The following TEKT3 variants were observed in gnomAD, a reference collection of about 807,000 sequenced individuals.
TEKT3 encodes tektin 3.
Under a neutral mutation model 49.8 loss-of-function variants are expected in TEKT3, and 49 were observed. The ratio of observed to expected loss-of-function variants is 0.98; its 90% CI spans 0.78 to 1.25. The LOEUF (loss-of-function observed/expected upper bound fraction) is 1.25. TEKT3 is among the 50% of genes most tolerant of loss of function. The pLI is 0.00. For missense variants in TEKT3, 595 were observed against 629.5 expected, an observed-to-expected ratio of 0.95 and a Z score of 0.59; for synonymous variants, 225 against 237.2, an observed-to-expected ratio of 0.95 and a Z score of 0.47.
rs117065116 is a variant in TEKT3, at chr17:15,311,231, T to C, written c.1101+1028A>G. ...TATTTGTTGCCTAAAGCAGGCACCA[T>C]GAGAAGGAAAAGTAAATCGCTGCAG... On this transcript the variant is annotated intron_variant, in intron 7 of 8. Transcript: ENST00000395930. 1.8e-4 allele frequency: 27 copies of C among 152,216 alleles called. No individual in the cohort carries two copies. The East Asian group carries it at 5.2e-3, about 29-fold the overall frequency. 9.4% of individuals were successfully genotyped at this position (152,216 alleles called of 1,614,324 possible).
intron 4 of TEKT3, among the ~76,000 whole-genome samples, chr17:15,321,066 G>A (rs2150742867): frequency 6.6e-6 from 1 of 150,730 alleles, no homozygotes; most frequent in East Asian, 2.0e-4. Context: ...CCGGAGTGCA[G>A]TGGCGCGATC....
At chr17:15,314,669 T>C (rs1472129059) in intron 5 of TEKT3, among the ~76,000 whole-genome samples, 1 of 152,224 alleles carries the variant, frequency 6.6e-6, no homozygotes, top group African/African-American at 2.4e-5. Flanking sequence ...ATTATTTGAA[T>C]ATAAATCCCC....
At chr17:15,333,099 T>A (rs143272296) in intron 2 of TEKT3, among the ~76,000 whole-genome samples, 1 of 152,250 alleles carries the variant, frequency 6.6e-6, no homozygotes, top group Non-Finnish European at 1.5e-5. Flanking sequence ...TCATTCTTTT[T>A]ACCAGTTCCA....
intron 4 of TEKT3, among the ~76,000 whole-genome samples, chr17:15,319,518 G>A (rs913794922): frequency 6.6e-6 from 1 of 152,130 alleles, no homozygotes; most frequent in African/African-American, 2.4e-5. Flanking sequence ...TATAACAGCT[G>A]TTCTTCCAAG....
At position 15,312,165 on chromosome 17, in the gene TEKT3, A is replaced by G. The variant is rs182323766; in HGVS notation, c.1101+94T>C. ...TGTGTGGCCAGGCTGTCACATGCCTATGGTGCCTCTCTGGGAGTGGTGAGA... is the reference window on the plus strand; with the variant it reads ...TGTGTGGCCAGGCTGTCACATGCCTGTGGTGCCTCTCTGGGAGTGGTGAGA... On this transcript the variant is annotated intron_variant, in intron 7 of 8. Coordinates refer to ENST00000395930, the MANE Select transcript of TEKT3 (RefSeq NM_031898.3). 20 of 1,213,686 alleles carry G rather than the reference A, an allele frequency of 1.6e-5. No individual in the cohort carries two copies. The East Asian group carries it at 4.5e-4, about 27-fold the overall frequency. The allele number at this position is 1,213,686 out of a possible 1,614,324, so 75.2% of individuals were successfully genotyped here. A position where few individuals can be genotyped will look rare whatever the true frequency, so the allele number is the denominator to read the frequency against.
At chr17:15,318,476 A>G (rs1911114987) in intron 5 of TEKT3, among the ~76,000 whole-genome samples, 1 of 152,164 alleles carries the variant, frequency 6.6e-6, no homozygotes. Flanking sequence ...TTCCCACAGC[A>G]TCTCAGAATT....
At chr17:15,330,171 T>C (rs989473598) in intron 3 of TEKT3, among the ~76,000 whole-genome samples, 2 of 152,220 alleles carry the variant, frequency 1.3e-5, no homozygotes, top group African/African-American at 4.8e-5. Context: ...TAAAAGGGAA[T>C]CATAACATAT....
chr17:15,324,427 CAT>C (rs1164935529), intron 4 of TEKT3, among the ~76,000 whole-genome samples: 1 of 152,102 alleles, frequency 6.6e-6, no homozygotes, highest in Non-Finnish European at 1.5e-5. Context: ...TTTGTTTGGG[CAT>C]ATGTTTTCTT....
intron 1 of TEKT3, among the ~76,000 whole-genome samples, chr17:15,341,256 G>T (rs1268528824): frequency 4.6e-5 from 7 of 152,188 alleles, no homozygotes; most frequent in Admixed American, 4.6e-4. Flanking sequence ...TCGGGGGTTC[G>T]GATGCCCCTT....
intron 5 of TEKT3, among the ~76,000 whole-genome samples, chr17:15,315,161 G>A (rs556760090): frequency 5.3e-5 from 8 of 152,270 alleles, no homozygotes; most frequent in South Asian, 2.1e-4. Flanking sequence ...TCAATGAATC[G>A]GCAATTTGTG....
upstream of TEKT3, among the ~76,000 whole-genome samples, chr17:15,342,567 G>A (rs542195063): frequency 7.2e-5 from 11 of 152,296 alleles, no homozygotes; most frequent in East Asian, 1.9e-3. Flanking sequence ...TTCAAGTCGG[G>A]GGCTGGTCCT....
At chr17:15,322,298 T>C (rs1181324130) in intron 4 of TEKT3, among the ~76,000 whole-genome samples, 2 of 152,252 alleles carry the variant, frequency 1.3e-5, no homozygotes, top group East Asian at 3.8e-4. Flanking sequence ...ATGTCTTTGC[T>C]ACTTGCTAAA....
In TEKT3 at chr17:15,331,430, G is replaced by T. The variant is rs1445572534; in HGVS notation, c.156C>A (p.Pro52=). Residue 52 remains proline (P), a synonymous_variant, in exon 3 of 9, where the codon CCC becomes CCA. Transcript: ENST00000395930. Reference sequence around the variant, plus strand: ...TGGAGGCGACTTTGTAGTATGTGCTGGGTCTCCAAGGAAGGCTCAGGCTAT... The same window carrying T: ...TGGAGGCGACTTTGTAGTATGTGCTTGGTCTCCAAGGAAGGCTCAGGCTAT... ...LTHSLSLPWR[P]STYYKVASNS... is the part of the protein sequence containing the mutation. 2 of 1,613,962 alleles carry T rather than the reference G, an allele frequency of 1.2e-6. No individual in the cohort carries two copies. The highest frequency in any genetic ancestry group is 2.7e-5 in the African/African-American group (2 of 74,878).
chr17:15,318,344 C>A (rs1037297556), intron 5 of TEKT3, among the ~76,000 whole-genome samples: 51 of 152,146 alleles, frequency 3.4e-4, no homozygotes, highest in African/African-American at 1.2e-3. Flanking sequence ...AAGTAAACGA[C>A]CACTCATTAC....
At chr17:15,318,544 A>C (rs1450996601) in intron 5 of TEKT3, among the ~76,000 whole-genome samples, 1 of 151,936 alleles carries the variant, frequency 6.6e-6, no homozygotes, top group Admixed American at 6.6e-5. Context: ...TTAAAAATAT[A>C]TTTTTCTTGA....
chr17:15,312,218 T>C (rs771854978), intron 7 of TEKT3, 41 bp downstream of exon 7: 20 of 1,591,966 alleles, frequency 1.3e-5, no homozygotes, highest in Non-Finnish European at 1.7e-5. Flanking sequence ...CACACCGCTC[T>C]GTCCAGGTCA....
chr17:15,338,967 T>C (rs140808426), intron 2 of TEKT3, among the ~76,000 whole-genome samples: 36 of 152,338 alleles, frequency 2.4e-4, no homozygotes, highest in African/African-American at 8.7e-4. Context: ...CTGCTTATTA[T>C]ACATTTAATC....
intron 8 of TEKT3, among the ~76,000 whole-genome samples, chr17:15,305,663 C>T (rs1205471510): frequency 2.6e-5 from 4 of 151,962 alleles, no homozygotes; most frequent in Non-Finnish European, 5.9e-5. Context: ...GAACCCTGAA[C>T]CCCAACGTAG....
intron 5 of TEKT3, 45 bp from the exon 6 acceptor site, chr17:15,314,275 A>G (rs936065348): frequency 4.3e-6 from 7 of 1,611,066 alleles, no homozygotes. Flanking sequence ...TCAGGTGACA[A>G]TGTCCTGCAA....
Sources: allele counts gnomAD v4.1 joint callset (sites outside exome capture counted in the v4.1 genomes callset), GRCh38; gene constraint gnomAD v4.1.1; transcripts MANE v1.5; gene names NCBI Gene and HGNC (gene_info 2026-07-23, HGNC 2026-07-21).